LRP5: variants seen among roughly 807,000 people sequenced by gnomAD.
The protein encoded by LRP5 is LDL receptor related protein 5, also known as low-density lipoprotein receptor-related protein 5.
Under a neutral mutation model 154.1 loss-of-function variants are expected in LRP5, and 62 were observed. The observed-to-expected ratio is 0.40, with a 90% CI of 0.33 to 0.50. The LOEUF (loss-of-function observed/expected upper bound fraction) is 0.50, where lower values mean the gene tolerates loss of function less well. LRP5 is among the 20% of genes least tolerant of loss of function. LRP5 has a pLI of 0.55. For missense variants in LRP5, 1,915 were observed against 2,336.7 expected, an observed-to-expected ratio of 0.82 and a Z score of 3.72; for synonymous variants, 966 against 1,011.5, an observed-to-expected ratio of 0.96 and a Z score of 0.85.
At chr11:68,371,796 G>A (rs1164376466) in intron 5 of LRP5, among the ~76,000 whole-genome samples, 2 of 152,272 alleles carry the variant, frequency 1.3e-5, no homozygotes, top group African/African-American at 4.8e-5. Context: ...CAGAGGCCTC[G>A]TGCAGGGCAC....
At chr11:68,367,540 G>A (rs1028586444) in intron 5 of LRP5, among the ~76,000 whole-genome samples, 5 of 152,222 alleles carry the variant, frequency 3.3e-5, no homozygotes, top group African/African-American at 9.6e-5. Flanking sequence ...CTGGCTGCCC[G>A]GGAACCTTGG....
chr11:68,356,924 C>G (rs2098623614), intron 2 of LRP5, among the ~76,000 whole-genome samples: 1 of 151,072 alleles, frequency 6.6e-6, no homozygotes, highest in Admixed American at 6.6e-5. Flanking sequence ...CTTGATAGAT[C>G]ATTTCTTTTC....
At position 68,353,912 on chromosome 11, in the gene LRP5, AG is replaced by A. The variant is rs2098620852; in HGVS notation, c.489-3735del. Among the ~76,000 whole-genome samples, 2 of 152,158 alleles carry A rather than the reference AG, an allele frequency of 1.3e-5. No homozygotes were observed. Among genetic ancestry groups the A allele is most frequent in the African/African-American group, 4.8e-5 (2 of 41,446 alleles). On this transcript the variant is annotated intron_variant, in intron 2 of 22. Coordinates refer to ENST00000294304, the MANE Select transcript of LRP5 (RefSeq NM_002335.4). This position sits in a 1 kb window ranked among gnomAD's most constrained non-coding sequence, Gnocchi z 4.5. ...CCGTGCGGACATCCAGGCAGGGTTG[AG>A]GGAAGGCACATCCCTCCCAGGCCCA...
At chr11:68,383,906 G>A (rs895510474) in intron 5 of LRP5, among the ~76,000 whole-genome samples, 5 of 152,158 alleles carry the variant, frequency 3.3e-5, no homozygotes, top group Admixed American at 2.6e-4. Context: ...GGAGCCTAGA[G>A]GGAGAAAATT....
chr11:68,342,105 T>C (rs1267085112), intron 1 of LRP5, among the ~76,000 whole-genome samples: 2 of 152,074 alleles, frequency 1.3e-5, no homozygotes, highest in African/African-American at 2.4e-5. Context: ...AAAGAAGTTT[T>C]TGTAGAGATG....
Position 68,438,586 on chromosome 11 carries a change from G to A in LRP5, c.4252G>A (p.Ala1418Thr), listed in dbSNP as rs2153181307. ...QRVVCQRYAG[A>T]NGPFPHEYVS... is the part of the protein sequence containing the mutation. ...CGTGGTGTGCCAGCGCTATGCGGGG[G>A]CCAACGGGCCCTTCCCGCACGAGTA... is the stretch of plus-strand genomic sequence containing the variant. The change falls in exon 20 of 23, where the codon GCC becomes ACC. Residue 1418 changes from alanine to threonine, a missense_variant. Ala to Thr is a moderately conservative substitution (Grantham distance 58, BLOSUM62 0). Transcript: ENST00000294304. The A allele has an allele frequency of 1.9e-6, 3 of 1,614,032 alleles. No individual in the cohort carries two copies. The highest frequency in any genetic ancestry group is 1.7e-6 in the Non-Finnish European group (2 of 1,179,988).
At chr11:68,436,737 G>A in intron 18 of LRP5, 152 bp from the exon 19 acceptor site, 2 of 631,112 alleles carry the variant, frequency 3.2e-6, no homozygotes, top group East Asian at 5.5e-5. Flanking sequence ...TCGAGGGTGG[G>A]TGGAGACTGT....
At chr11:68,339,363 TC>T (rs200392976) in intron 1 of LRP5, among the ~76,000 whole-genome samples, 2,151 of 152,124 alleles carry the variant, frequency 0.014, 14 homozygotes, top group Non-Finnish European at 0.022. Context: ...TTCTTTTTTT[TC>T]CGAAACGGAA....
At chr11:68,347,773 A>G in intron 1 of LRP5, 74 bp from the exon 2 acceptor site, 29 of 1,543,304 alleles carry the variant, frequency 1.9e-5, no homozygotes, top group Non-Finnish European at 2.5e-5. Flanking sequence ...TGCTCTGGGC[A>G]TAGTGCTCCA....
intron 5 of LRP5, among the ~76,000 whole-genome samples, chr11:68,378,305 C>T (rs1784237): frequency 0.57 from 86,965 of 152,082 alleles, 27,553 homozygotes; most frequent in South Asian, 0.88. Context: ...GGCCGCTGGG[C>T]GACGGTGTGC....
At chr11:68,311,958 G>A (rs937184372), upstream of LRP5, among the ~76,000 whole-genome samples, 1 of 152,244 alleles carries the variant, frequency 6.6e-6, no homozygotes. Flanking sequence ...CGGTGGGCAA[G>A]AGGCCCTGGC....
intron 5 of LRP5, among the ~76,000 whole-genome samples, chr11:68,372,379 CCG>C (rs2098634587): frequency 3.0e-5 from 2 of 67,158 alleles, no homozygotes; most frequent in African/African-American, 1.3e-4. Context: ...AGACCCGGGA[CCG>C]TGGTGGTGTT....
Position 68,423,827 on chromosome 11 carries a change from G to A in LRP5, c.3236+130G>A, listed in dbSNP as rs1040484632. 2 of 854,434 alleles carry A rather than the reference G, an allele frequency of 2.3e-6. No homozygotes were observed. The highest frequency in any genetic ancestry group is 3.4e-5 in the African/African-American group (2 of 59,372). 52.9% of individuals were successfully genotyped at this position (854,434 alleles called of 1,614,324 possible). Reference sequence around the variant, plus strand: ...GGGATCCAATGGGTGGCTTTCCAGGGTCCCAAAAGCAAACACAGGCTCTTT... The same window carrying A: ...GGGATCCAATGGGTGGCTTTCCAGGATCCCAAAAGCAAACACAGGCTCTTT... On this transcript the variant is annotated intron_variant, in intron 14 of 22. Transcript: ENST00000294304. This position sits in a 1 kb window ranked among gnomAD's most constrained non-coding sequence, Gnocchi z 4.7.
intron 1 of LRP5, among the ~76,000 whole-genome samples, chr11:68,338,310 G>C (rs1346423894): frequency 6.6e-6 from 1 of 152,180 alleles, no homozygotes. Flanking sequence ...AGTCTTGTTT[G>C]GTGTAACCAT....
intron 1 of LRP5, among the ~76,000 whole-genome samples, chr11:68,342,834 C>T (rs1262666094): frequency 6.6e-6 from 1 of 152,364 alleles, no homozygotes; most frequent in East Asian, 1.9e-4. Flanking sequence ...GAGTGTAAAC[C>T]GTGGTGAAAT....
At chr11:68,378,014 G>T (rs998135684) in intron 5 of LRP5, among the ~76,000 whole-genome samples, 15 of 152,222 alleles carry the variant, frequency 9.9e-5, no homozygotes, top group African/African-American at 3.6e-4. Flanking sequence ...GTGGCCTGTG[G>T]CCTGGGAGCT....
chr11:68,403,953 G>C (rs923656118), intron 8 of LRP5: 16 of 572,102 alleles, frequency 2.8e-5, no homozygotes, highest in African/African-American at 2.3e-4. Context: ...CACCTGCTGT[G>C]TGCCCGGCCC....
At position 68,426,040 on chromosome 11, in the gene LRP5, G is replaced by A. The variant is rs2098668576; in HGVS notation, c.3490G>A (p.Gly1164Ser). Reference protein sequence around the residue: ...IVQPLGLTILGKHLYWIDRQQ... With the variant: ...IVQPLGLTILSKHLYWIDRQQ... The stretch of plus-strand genomic sequence containing the variant: ...GCAGCCTCTGGGCCTGACCATCCTT[G>A]GCAAGCATCTCTACTGGATCGACCG... The change falls in exon 16 of 23, where the codon GGC (glycine) becomes AGC (serine). Residue 1164 changes from glycine to serine, a missense_variant. Gly to Ser is a moderately conservative substitution (Grantham distance 56). This residue lies in a region of LRP5 where 1,094 missense variants were observed against 1,210.1 expected (regional missense o/e 0.90). Transcript: ENST00000294304. 6.2e-7 allele frequency: 1 copy of A among 1,613,602 alleles called. No individual in the cohort carries two copies. The highest frequency in any genetic ancestry group is 1.3e-5 in the African/African-American group (1 of 75,056).
intron 2 of LRP5, among the ~76,000 whole-genome samples, chr11:68,352,164 A>C (rs1371786537): frequency 1.3e-5 from 2 of 152,200 alleles, no homozygotes; most frequent in African/African-American, 4.8e-5. Flanking sequence ...GATCCTGGCG[A>C]CAGAAAGCAG....
Sources: gnomAD v4.1 joint callset for allele counts (sites outside exome capture counted in the v4.1 genomes callset) on GRCh38, gnomAD v4.1.1 for gene constraint, gnomAD v4.1.1 regional missense constraint, Gnocchi (gnomAD v3.1) non-coding constraint, MANE v1.5 for transcripts, NCBI Gene and HGNC (gene_info 2026-07-23, HGNC 2026-07-21) for gene names.